ARHGEF4: variants seen among roughly 807,000 people sequenced by gnomAD.
ARHGEF4 encodes the protein APC-stimulated guanine nucleotide exchange factor 1.
ARHGEF4 carries 119 observed loss-of-function variants against 162.0 expected under a neutral mutation model. The ratio of observed to expected loss-of-function variants is 0.73; its 90% CI spans 0.63 to 0.86. The LOEUF is 0.86. Ranked by LOEUF, ARHGEF4 falls within the 40% of genes least tolerant of loss-of-function variation. The probability of loss-of-function intolerance (pLI) is 0.00; values close to 1 mark genes in which losing one functional copy is unlikely to be tolerated. For missense variants in ARHGEF4, 2,488 were observed against 2,456.0 expected (o/e 1.01, Z -0.28); for synonymous variants, 1,014 against 979.9 (o/e 1.03, Z -0.65).
rs2105407961 is a variant in ARHGEF4 at position 131,040,394 on chromosome 2, G to A, written c.4616G>A (p.Arg1539His). The part of the protein sequence containing the change: ...FVKALEQRFN[R>H]ERPHLSELGA... ...AAGGCCCTGGAGCAGAGGTTCAACC[G>A]CGAGCGCCCACACCTGAGCGAGCTG... The change falls in exon 8 of 14, where the codon CGC (arginine) becomes CAC (histidine). Residue 1539 changes from arginine to histidine, a missense_variant. Arg to His is a conservative substitution (Grantham distance 29, BLOSUM62 0). Transcript: ENST00000409359. 3 of 1,608,168 alleles carry A rather than the reference G, an allele frequency of 1.9e-6. No homozygotes were observed. The highest frequency in any genetic ancestry group is 3.4e-5 in the Admixed American group (2 of 59,380).
chr2:130,928,964 C>T (rs911864739), intron 2 of ARHGEF4, among the ~76,000 whole-genome samples: 1 of 152,130 alleles, frequency 6.6e-6, no homozygotes, highest in African/African-American at 2.4e-5. Context: ...CCTCAGAATT[C>T]CCTGGAGGGC....
rs546591904 is a variant in ARHGEF4, at chr2:131,038,829, G to A, written c.4126-24G>A. 22 of 1,584,928 alleles carry A rather than the reference G, an allele frequency of 1.4e-5. No individual in the cohort carries two copies. In the African/African-American group the frequency reaches 1.5e-4, roughly 11 times the overall value. On this transcript the variant is annotated intron_variant, in intron 5 of 13. Coordinates refer to ENST00000409359, the MANE Select transcript of ARHGEF4 (RefSeq NM_001367493.1). ...CCCAGGCAGCCTCCCCCACTGACCC[G>A]CCTGCCCGTGGCTCTCTCGGCAGCT...
At chr2:131,034,525 G>T (rs10165540) in intron 5 of ARHGEF4, among the ~76,000 whole-genome samples, 1 of 152,020 alleles carries the variant, frequency 6.6e-6, no homozygotes, top group South Asian at 2.1e-4. Context: ...TCCTGCCTCC[G>T]CCATCCCTGC....
intron 1 of ARHGEF4, among the ~76,000 whole-genome samples, chr2:130,888,966 A>T (rs1193539986): frequency 6.6e-6 from 1 of 151,764 alleles, no homozygotes; most frequent in Non-Finnish European, 1.5e-5. Context: ...TTAGCCGGGC[A>T]TGGTGGTAGG....
intron 11 of ARHGEF4, 118 bp downstream of exon 11, chr2:131,043,701 GC>G: frequency 6.9e-7 from 1 of 1,439,810 alleles, no homozygotes; most frequent in Non-Finnish European, 9.5e-7. Flanking sequence ...GGGGAGCCTG[GC>G]CAGACCCTTG....
At chr2:131,043,100 T>C (rs1690946846) in intron 10 of ARHGEF4, among the ~76,000 whole-genome samples, 1 of 146,076 alleles carries the variant, frequency 6.8e-6, no homozygotes, top group Admixed American at 6.6e-5. Flanking sequence ...AAATAGCATT[T>C]CAACTTGTGA....
At position 131,041,254 on chromosome 2, in the gene ARHGEF4, G is replaced by C; in HGVS notation, c.4687G>C (p.Glu1563Gln). Residue 1563 changes from glutamate to glutamine, a missense_variant, in exon 9 of 14, where the codon GAG (glutamate) becomes CAG (glutamine). Transcript: ENST00000409359. ...GCAAGCCGACTTCCAGATCTACTCGGAGTACTGCAATAACCACCCCAACGC... is the reference window on the plus strand; with the variant it reads ...GCAAGCCGACTTCCAGATCTACTCGCAGTACTGCAATAACCACCCCAACGC... ...EHQADFQIYS[E>Q]YCNNHPNACV... 6.2e-7 allele frequency: 1 copy of C among 1,613,802 alleles called. No homozygotes were observed. The highest frequency in any genetic ancestry group is 8.5e-7 in the Non-Finnish European group (1 of 1,179,998).
At chr2:130,837,026 T>G in intron 1 of ARHGEF4, 34 bp downstream of exon 1, 1 of 1,226,544 alleles carries the variant, frequency 8.2e-7, no homozygotes. Flanking sequence ...GCGGTCGGGC[T>G]CCCGGCGCCC....
intron 2 of ARHGEF4, among the ~76,000 whole-genome samples, chr2:130,921,828 A>T (rs1208724127): frequency 6.6e-6 from 1 of 151,910 alleles, no homozygotes; most frequent in Non-Finnish European, 1.5e-5. Context: ...AGTAGCTGGG[A>T]CTATAGGCGC....
intron 1 of ARHGEF4, among the ~76,000 whole-genome samples, chr2:130,855,171 G>A (rs368204992): frequency 4.6e-5 from 7 of 151,898 alleles, no homozygotes; most frequent in Admixed American, 1.3e-4. Context: ...TACCGCGCCC[G>A]GCCGGAGGAG....
At chr2:130,923,725 T>G (rs973990238) in intron 2 of ARHGEF4, among the ~76,000 whole-genome samples, 21 of 152,154 alleles carry the variant, frequency 1.4e-4, no homozygotes, top group Non-Finnish European at 2.6e-4. Context: ...TTGGAGATTT[T>G]GGGTCTGACA....
chr2:130,914,658 G>T lies in ARHGEF4; in HGVS notation c.712G>T (p.Gly238Cys). ...CTTCCTTCTCTGGTGCTGTGAACTG[G>T]GTCGGAGTTGGCCACATATCCACAA... ...WPFLLWCCEL[G>C]RSWPHIHNRA... The change falls in exon 2 of 14, where the codon GGT (glycine) becomes TGT (cysteine). Residue 238 changes from glycine (G) to cysteine (C), a missense_variant. By Grantham distance (159) the Gly-to-Cys change is radical. Coordinates refer to ENST00000409359, the MANE Select transcript of ARHGEF4 (RefSeq NM_001367493.1). The T allele has an allele frequency of 7.2e-7, 1 of 1,389,190 alleles. No individual in the cohort carries two copies. Among genetic ancestry groups the T allele is most frequent in the Non-Finnish European group, 9.3e-7 (1 of 1,078,270 alleles). The allele number at this position is 1,389,190 out of a possible 1,614,324, so 86.1% of individuals were successfully genotyped here.
At chr2:131,039,549 G>A (rs1051932064) in intron 6 of ARHGEF4, 18 of 1,034,742 alleles carry the variant, frequency 1.7e-5, no homozygotes, top group Admixed American at 1.0e-4. Flanking sequence ...GCTGAGGGCC[G>A]TCCGGCGGGG....
chr2:130,847,402 C>T (rs1681060864), intron 1 of ARHGEF4, among the ~76,000 whole-genome samples: 1 of 152,212 alleles, frequency 6.6e-6, no homozygotes, highest in South Asian at 2.1e-4. Flanking sequence ...CAGGAGGTTT[C>T]AGTCACCACG....
chr2:131,033,111 G>A (rs12998028), intron 5 of ARHGEF4, among the ~76,000 whole-genome samples: 115,347 of 151,948 alleles, frequency 0.76, 47,912 homozygotes, highest in East Asian at 0.91. Flanking sequence ...CCTTGGCTTC[G>A]CAAAGTGCTG....
intron 4 of ARHGEF4, among the ~76,000 whole-genome samples, chr2:130,966,419 G>C (rs1685007934): frequency 6.6e-6 from 1 of 152,232 alleles, no homozygotes. Flanking sequence ...AATATGGTTG[G>C]AAAAGGCTGG....
rs202016094 is a variant in ARHGEF4, at chr2:130,917,278, G to C, written c.3332G>C (p.Arg1111Thr). The C allele has an allele frequency of 7.3e-4, 1,136 of 1,550,554 alleles. 15 individuals are homozygous for C. In the South Asian group the frequency reaches 0.013, roughly 17 times the overall value. The change falls in exon 2 of 14, where the codon AGG becomes ACG. Residue 1111 changes from arginine (R) to threonine (T), a missense_variant. By Grantham distance (71) the Arg-to-Thr change is moderately conservative. Coordinates refer to ENST00000409359, the MANE Select transcript of ARHGEF4 (RefSeq NM_001367493.1). ...CGGATGGGTCTCCACTACCCCGGGA[G>C]GGGTAGCGCCATCTCCATGGTTTCT... is the stretch of plus-strand genomic sequence containing the variant. ...AQRMGLHYPG[R>T]GSAISMVSLG...
chr2:130,853,639 A>G (rs549765520), intron 1 of ARHGEF4, among the ~76,000 whole-genome samples: 1 of 152,308 alleles, frequency 6.6e-6, no homozygotes, highest in African/African-American at 2.4e-5. Context: ...ATCGGTGTCC[A>G]GGAAGAGCAA....
intron 1 of ARHGEF4, among the ~76,000 whole-genome samples, chr2:130,894,917 G>T (rs1475514450): frequency 6.6e-6 from 1 of 152,110 alleles, no homozygotes. Context: ...TTACATCAGG[G>T]ATATTTTTTT....
Sources: allele counts gnomAD v4.1 joint callset (sites outside exome capture counted in the v4.1 genomes callset), GRCh38; gene constraint gnomAD v4.1.1; transcripts MANE v1.5; gene names NCBI Gene and HGNC (gene_info 2026-07-23, HGNC 2026-07-21).